Variants in ACSS2 observed in about 807,000 individuals in gnomAD.
ACSS2 encodes the protein acyl-CoA synthetase short chain family member 2, also known as acetyl-coenzyme A synthetase, cytoplasmic.
A neutral mutation model predicts 90.6 loss-of-function variants in ACSS2; 58 were observed. The ratio of observed to expected loss-of-function variants is 0.64; its 90% confidence interval spans 0.52 to 0.80. ACSS2 has a LOEUF of 0.80. Among genes scored for constraint, ACSS2 ranks in the 30% least tolerant of loss-of-function variants. The probability of loss-of-function intolerance (pLI) is 0.00; values close to 1 mark genes in which losing one functional copy is unlikely to be tolerated. For synonymous variants in ACSS2, 300 were observed against 330.9 expected, an observed-to-expected ratio of 0.91 and a Z score of 1.01; for missense variants, 759 against 912.0, an observed-to-expected ratio of 0.83 and a Z score of 2.16.
chr20:34,899,471 CTTTT>C (rs146114328), intron 2 of ACSS2, among the ~76,000 whole-genome samples: 4,412 of 128,542 alleles, frequency 0.034, 140 homozygotes, highest in Middle Eastern at 0.059. Context: ...TCCTTCCTTT[CTTTT>C]TCTTTCTTTT....
intron 7 of ACSS2, 56 bp downstream of exon 7, chr20:34,914,493 C>T (rs2081037740): frequency 6.8e-7 from 1 of 1,473,920 alleles, no homozygotes; most frequent in Non-Finnish European, 9.2e-7. Flanking sequence ...ACTTTTCCTG[C>T]CTAGAAAATT....
chr20:34,927,474 G>C lies in ACSS2; in HGVS notation c.*260G>C, dbSNP rs1438924871. 7.6e-6 allele frequency: 4 copies of C among 523,018 alleles called. No individual in the cohort carries two copies. Among genetic ancestry groups the C allele is most frequent in the East Asian group, 3.2e-5 (1 of 31,214 alleles). The allele number at this position is 523,018 out of a possible 1,614,324, so 32.4% of individuals were successfully genotyped here. On this transcript the variant is annotated 3_prime_UTR_variant, in exon 18 of 18. Transcript: ENST00000360596. The surrounding 1 kb of genome is among the most constrained non-coding windows in gnomAD (Gnocchi z 4.2). ...CAGAACCCAGAACAGAGACGAAAAG[G>C]CTACCTCTCCTACCCAAGTTAAGTG...
At position 34,926,917 on chromosome 20, in the gene ACSS2, C is replaced by A; in HGVS notation, c.1944C>A (p.Ile648=). The A allele has an allele frequency of 6.2e-7, 1 of 1,614,138 alleles. No homozygotes were observed. The highest frequency in any genetic ancestry group is 8.5e-7 in the Non-Finnish European group (1 of 1,180,030). Residue 648 remains isoleucine (I), a synonymous_variant, in exon 17 of 18, where the codon ATC becomes ATA. Coordinates refer to ENST00000360596, the MANE Select transcript of ACSS2 (RefSeq NM_018677.4). ...KIGPIATPDY[I]QNAPGLPKTR... Reference sequence around the variant, plus strand: ...GCCCCATTGCCACACCAGACTACATCCAGAATGCACCTGGCTTGCCTAAAA... The same window carrying A: ...GCCCCATTGCCACACCAGACTACATACAGAATGCACCTGGCTTGCCTAAAA...
At chr20:34,889,582 C>T (rs374497137) in intron 2 of ACSS2, among the ~76,000 whole-genome samples, 4 of 152,066 alleles carry the variant, frequency 2.6e-5, no homozygotes, top group East Asian at 1.9e-4. Flanking sequence ...TAAGCACAGA[C>T]GTGATAATGA....
chr20:34,888,752 C>A (rs1398228454), intron 2 of ACSS2, among the ~76,000 whole-genome samples: 1 of 152,106 alleles, frequency 6.6e-6, no homozygotes, highest in Non-Finnish European at 1.5e-5. Flanking sequence ...GAGCAGAGAT[C>A]TGAAGGAAAG....
chr20:34,881,445 T>C (rs755581796), intron 1 of ACSS2, among the ~76,000 whole-genome samples: 3 of 152,202 alleles, frequency 2.0e-5, no homozygotes, highest in Non-Finnish European at 2.9e-5. Context: ...ATTTTAAGAA[T>C]GTAAATTTGA....
chr20:34,882,168 G>C (rs2080082609), intron 1 of ACSS2, among the ~76,000 whole-genome samples: 1 of 152,108 alleles, frequency 6.6e-6, no homozygotes, highest in Non-Finnish European at 1.5e-5. Context: ...CTGGGCAACA[G>C]CAACAAAAAA....
chr20:34,911,186 A>T (rs1339871293), intron 2 of ACSS2, among the ~76,000 whole-genome samples: 12 of 130,682 alleles, frequency 9.2e-5, no homozygotes, highest in East Asian at 4.6e-4. Flanking sequence ...CTCAGCTAAA[A>T]TTTTTTTTTT....
chr20:34,882,988 T>C lies in ACSS2; in HGVS notation c.373T>C (p.Trp125Arg), dbSNP rs1185661730. 7.5e-6 allele frequency: 12 copies of C among 1,601,690 alleles called. No individual in the cohort carries two copies. Among genetic ancestry groups the C allele is most frequent in the Non-Finnish European group, 1.0e-5 (12 of 1,174,762 alleles). ...KKLGDKVAFY[W>R]EGNEPGETTQ... ...GCTTGGAGATAAAGTTGCTTTTTACTGGTAAAAATATCTATCTTATACTTG... is the reference window on the plus strand; with the variant it reads ...GCTTGGAGATAAAGTTGCTTTTTACCGGTAAAAATATCTATCTTATACTTG... The change falls in exon 2 of 18, where the codon TGG (tryptophan) becomes CGG (arginine). Residue 125 changes from tryptophan to arginine, a missense_variant and splice_region_variant. Transcript: ENST00000360596.
chr20:34,921,406 C>T lies in ACSS2; in HGVS notation c.1354C>T (p.Arg452Trp), dbSNP rs765895564. The change falls in exon 11 of 18, where the codon CGG becomes TGG. Residue 452 changes from arginine (R) to tryptophan (W), a missense_variant. Physicochemically the swap from Arg to Trp is moderately radical, Grantham distance 101. Coordinates refer to ENST00000360596, the MANE Select transcript of ACSS2 (RefSeq NM_018677.4). Reference protein sequence around the residue: ...INPEAWLWYHRVVGAQRCPIV... With the variant: ...INPEAWLWYHWVVGAQRCPIV... ...CCCTGAGGCCTGGCTATGGTACCAC[C>T]GGGTGGTAGGTGCCCAGCGCTGCCC... is the stretch of plus-strand genomic sequence containing the variant. 4.9e-5 allele frequency: 79 copies of T among 1,614,082 alleles called. 1 individual carries two copies. Among genetic ancestry groups the T allele is most frequent in the South Asian group, 2.9e-4 (26 of 91,088 alleles).
At chr20:34,885,731 G>T (rs928486144) in intron 2 of ACSS2, among the ~76,000 whole-genome samples, 13 of 152,152 alleles carry the variant, frequency 8.5e-5, no homozygotes, top group African/African-American at 3.1e-4. Context: ...GCATGCTATT[G>T]ATATCACAAG....
rs535444545 is a variant in ACSS2 at position 34,912,702 on chromosome 20, T to C, written c.375-394T>C. ...GGGGCCCAGGAATCTACAAATCCTC[T>C]AGATGATTTAGGCACAAGTGATCTG... On this transcript the variant is annotated intron_variant, in intron 2 of 17. Coordinates refer to ENST00000360596, the MANE Select transcript of ACSS2 (RefSeq NM_018677.4). 1.3e-4 allele frequency among the ~76,000 whole-genome samples: 20 copies of C among 152,336 alleles called. No homozygotes were observed. The South Asian group carries it at 4.1e-3, about 32-fold the overall frequency.
chr20:34,925,406 C>T lies in ACSS2; in HGVS notation c.1658-292C>T, dbSNP rs551543841. 4.6e-4 allele frequency among the ~76,000 whole-genome samples: 70 copies of T among 152,296 alleles called. 1 individual carries two copies. Among genetic ancestry groups the T allele is most frequent in the African/African-American group, 1.7e-3 (70 of 41,562 alleles). Reference sequence around the variant, plus strand: ...ATGATCTGAGACAATGCAACCGAGACAAGCTAGGTGTCTTCTACAACCTAA... The same window carrying T: ...ATGATCTGAGACAATGCAACCGAGATAAGCTAGGTGTCTTCTACAACCTAA... On this transcript the variant is annotated intron_variant, in intron 14 of 17. Coordinates refer to ENST00000360596, the MANE Select transcript of ACSS2 (RefSeq NM_018677.4).
Position 34,911,843 on chromosome 20 carries a change from C to T in ACSS2, c.375-1253C>T, listed in dbSNP as rs183604410. On this transcript the variant is annotated intron_variant, in intron 2 of 17. Coordinates refer to ENST00000360596, the MANE Select transcript of ACSS2 (RefSeq NM_018677.4). Reference sequence around the variant, plus strand: ...TCTTCTTTTTTTTGTTTGTTTGAGACGGAGTCTTACTCTGTCGCCCAGGCT... The same window carrying T: ...TCTTCTTTTTTTTGTTTGTTTGAGATGGAGTCTTACTCTGTCGCCCAGGCT... Among the ~76,000 whole-genome samples, 702 of 151,800 alleles carry T rather than the reference C, an allele frequency of 4.6e-3. 1 individual carries two copies. The highest frequency in any genetic ancestry group is 7.9e-3 in the Non-Finnish European group (537 of 67,954).
At chr20:34,915,869 G>A (rs2081067073) in intron 7 of ACSS2, among the ~76,000 whole-genome samples, 1 of 151,824 alleles carries the variant, frequency 6.6e-6, no homozygotes, top group South Asian at 2.1e-4. Context: ...GGAAAGAGTG[G>A]GCCTGAAGTC....
intron 2 of ACSS2, among the ~76,000 whole-genome samples, chr20:34,887,719 C>T (rs890386105): frequency 3.6e-4 from 54 of 151,516 alleles, no homozygotes; most frequent in African/African-American, 1.2e-3. Flanking sequence ...CCACCCTGGG[C>T]GACAAGAGCG....
intron 2 of ACSS2, among the ~76,000 whole-genome samples, chr20:34,895,066 GA>G (rs2080430637): frequency 6.6e-6 from 1 of 152,016 alleles, no homozygotes; most frequent in Admixed American, 6.6e-5. Flanking sequence ...AAGTACCATT[GA>G]AAAATTATTT....
At chr20:34,923,033 G>A (rs1296615715) in intron 13 of ACSS2, 5 of 298,018 alleles carry the variant, frequency 1.7e-5, no homozygotes, top group Admixed American at 8.4e-5. Flanking sequence ...ATAGAACACC[G>A]TGCTAGGCAA....
intron 1 of ACSS2, among the ~76,000 whole-genome samples, chr20:34,879,189 C>T (rs578205912): frequency 4.3e-4 from 66 of 152,140 alleles, no homozygotes; most frequent in African/African-American, 1.6e-3. Context: ...CAGGCGTGAG[C>T]CACCGCGCCC....
Sources: gnomAD v4.1 joint callset for allele counts (sites outside exome capture counted in the v4.1 genomes callset) on GRCh38, gnomAD v4.1.1 for gene constraint, Gnocchi (gnomAD v3.1) non-coding constraint, MANE v1.5 for transcripts, NCBI Gene and HGNC (gene_info 2026-07-23, HGNC 2026-07-21) for gene names.